Variants in BFSP1 observed in about 807,000 individuals in gnomAD.
BFSP1 encodes the protein filensin.
In BFSP1, 38 loss-of-function variants were observed where a neutral mutation model predicts 43.9. The observed-to-expected ratio is 0.87, with a 90% CI of 0.67 to 1.14. The LOEUF (loss-of-function observed/expected upper bound fraction) is 1.14. Ranked by LOEUF, BFSP1 falls within the 50% of genes most tolerant of loss-of-function variation. BFSP1 has a pLI of 0.00. For missense variants in BFSP1, 850 were observed against 875.1 expected (o/e 0.97, Z 0.36); for synonymous variants, 352 against 354.8 (o/e 0.99, Z 0.09).
chr20:17,522,609 T>C (rs2034341038), intron 2 of BFSP1, among the ~76,000 whole-genome samples: 1 of 152,204 alleles, frequency 6.6e-6, no homozygotes. Context: ...CCATGCACTT[T>C]CTAAAGTCAC....
At position 17,506,550 on chromosome 20, in the gene BFSP1, G is replaced by A. The variant is rs1175849012; in HGVS notation, c.735+2339C>T. The stretch of plus-strand genomic sequence containing the variant: ...CTTTTTTTTTTTTTTTGGAAACGGG[G>A]TCTCATTCTGTTGCCCAGGCTGGAG... On this transcript the variant is annotated intron_variant, in intron 5 of 7. Transcript: ENST00000377873. Among the ~76,000 whole-genome samples the A allele has an allele frequency of 6.7e-5, 10 of 150,154 alleles. No individual in the cohort carries two copies. The South Asian group carries it at 1.7e-3, about 25-fold the overall frequency.
intron 1 of BFSP1, among the ~76,000 whole-genome samples, chr20:17,528,822 A>G (rs940697165): frequency 2.0e-5 from 3 of 152,228 alleles, no homozygotes; most frequent in Admixed American, 6.5e-5. Flanking sequence ...GAACACAACA[A>G]TGAATAACCT....
At chr20:17,527,560 T>C (rs1485419477) in intron 1 of BFSP1, among the ~76,000 whole-genome samples, 8 of 152,140 alleles carry the variant, frequency 5.3e-5, no homozygotes, top group African/African-American at 1.9e-4. Context: ...ACCCTGTCTC[T>C]ACTAAAAATA....
At chr20:17,555,288 CAA>C (rs929219257) in intron 1 of BFSP1, among the ~76,000 whole-genome samples, 7 of 44,120 alleles carry the variant, frequency 1.6e-4, no homozygotes, top group East Asian at 6.2e-4. Flanking sequence ...TCCTATCTCA[CAA>C]AAAAAAAAAA....
chr20:17,509,688 C>T (rs1054296614), intron 4 of BFSP1, among the ~76,000 whole-genome samples: 48 of 152,294 alleles, frequency 3.2e-4, no homozygotes, highest in Admixed American at 2.5e-3. Flanking sequence ...GTTGGAGCCG[C>T]GAGCCATACG....
intron 2 of BFSP1, among the ~76,000 whole-genome samples, chr20:17,515,246 T>C (rs2034173954): frequency 6.6e-6 from 1 of 152,204 alleles, no homozygotes; most frequent in East Asian, 1.9e-4. Flanking sequence ...AACCTTGATC[T>C]AGAAAGATCG....
intron 7 of BFSP1, among the ~76,000 whole-genome samples, chr20:17,495,678 A>G (rs2033615257): frequency 6.6e-6 from 1 of 152,198 alleles, no homozygotes; most frequent in African/African-American, 2.4e-5. Context: ...CCCCTGCCCC[A>G]AGTCCACCCT....
At chr20:17,527,904 A>G (rs1391265745) in intron 1 of BFSP1, among the ~76,000 whole-genome samples, 2 of 152,132 alleles carry the variant, frequency 1.3e-5, no homozygotes, top group Admixed American at 1.3e-4. Flanking sequence ...CTGTTGTTGT[A>G]TTTTGATAGT....
chr20:17,512,864 T>G (rs1001858500), intron 3 of BFSP1, among the ~76,000 whole-genome samples: 5 of 152,164 alleles, frequency 3.3e-5, no homozygotes, highest in African/African-American at 4.8e-5. Context: ...TATTTAAACC[T>G]CCTAAAATGC....
Position 17,494,016 on chromosome 20 carries a change from C to A in BFSP1, c.*58G>T. On this transcript the variant is annotated 3_prime_UTR_variant, in exon 8 of 8. Coordinates refer to ENST00000377873, the MANE Select transcript of BFSP1 (RefSeq NM_001195.5). ...CCTTTTATCATTTGCTCTAAAATATCAAAGCATTACCCCTACAGTGGCCCC... is the reference window on the plus strand; with the variant it reads ...CCTTTTATCATTTGCTCTAAAATATAAAAGCATTACCCCTACAGTGGCCCC... 1 of 1,434,160 alleles carries A rather than the reference C, an allele frequency of 7.0e-7. No homozygotes were observed. Among genetic ancestry groups the A allele is most frequent in the Non-Finnish European group, 9.5e-7 (1 of 1,053,108 alleles). The allele number at this position is 1,434,160 out of a possible 1,614,324, so 88.8% of individuals were successfully genotyped here.
chr20:17,530,390 ATAAGTATG>A (rs1464315787), intron 1 of BFSP1, among the ~76,000 whole-genome samples: 1 of 152,244 alleles, frequency 6.6e-6, no homozygotes. Context: ...TGCAGTAAAG[ATAAGTATG>A]TAAGGATTAA....
intron 1 of BFSP1, among the ~76,000 whole-genome samples, chr20:17,537,584 A>C (rs1006498386): frequency 6.6e-5 from 10 of 151,910 alleles, no homozygotes; most frequent in African/African-American, 2.2e-4. Context: ...AAAAAAAAAA[A>C]AAAAACAAAT....
upstream of BFSP1, among the ~76,000 whole-genome samples, chr20:17,561,872 T>A (rs1423008520): frequency 6.6e-6 from 1 of 152,136 alleles, no homozygotes; most frequent in African/African-American, 2.4e-5. Context: ...CCAAGCTTTG[T>A]GAGTAGAAAC....
At chr20:17,563,502 A>C (rs11087213), upstream of BFSP1, among the ~76,000 whole-genome samples, 1 of 151,240 alleles carries the variant, frequency 6.6e-6, no homozygotes, top group Non-Finnish European at 1.5e-5. Context: ...GCACATGCCC[A>C]GCTAATTTTT....
chr20:17,548,858 A>T (rs2034849511), intron 1 of BFSP1, among the ~76,000 whole-genome samples: 1 of 152,070 alleles, frequency 6.6e-6, no homozygotes, highest in Non-Finnish European at 1.5e-5. Context: ...CCCAGGCTGG[A>T]GTGCAGTGGT....
At chr20:17,550,002 C>T (rs1421723279) in intron 1 of BFSP1, among the ~76,000 whole-genome samples, 1 of 152,108 alleles carries the variant, frequency 6.6e-6, no homozygotes, top group East Asian at 1.9e-4. Flanking sequence ...AGATCTGTCC[C>T]AAGCCCACTT....
chr20:17,519,469 G>T (rs2034273249), intron 2 of BFSP1, among the ~76,000 whole-genome samples: 1 of 152,188 alleles, frequency 6.6e-6, no homozygotes, highest in Non-Finnish European at 1.5e-5. Flanking sequence ...ATGTATGCAG[G>T]GCTGAGGCCA....
In BFSP1 at chr20:17,508,884, C is replaced by A; in HGVS notation, c.735+5G>T. On this transcript the variant is annotated splice_donor_5th_base_variant and intron_variant, in intron 5 of 7. Transcript: ENST00000377873. ...CCAATGCACACGCGGCAGACTCGAG[C>A]GTACCTGTGCCTGCAGCTCCACTCT... is the stretch of plus-strand genomic sequence containing the variant. 16 of 1,576,208 alleles carry A rather than the reference C, an allele frequency of 1.0e-5. No individual in the cohort carries two copies. The highest frequency in any genetic ancestry group is 1.9e-5 in the Admixed American group (1 of 53,968).
chr20:17,503,145 T>A (rs2033843275), intron 5 of BFSP1, among the ~76,000 whole-genome samples: 2 of 152,254 alleles, frequency 1.3e-5, no homozygotes, highest in South Asian at 4.1e-4. Context: ...CACCTTTGTC[T>A]CCTCAGTAGC....
Sources: gnomAD v4.1 joint callset for allele counts (sites outside exome capture counted in the v4.1 genomes callset) on GRCh38, gnomAD v4.1.1 for gene constraint, MANE v1.5 for transcripts, NCBI Gene and HGNC (gene_info 2026-07-23, HGNC 2026-07-21) for gene names.